The following WHRN variants were observed in gnomAD, a reference collection of about 807,000 sequenced individuals.
WHRN encodes CASK-interacting protein CIP98.
A neutral mutation model predicts 68.3 loss-of-function variants in WHRN; 41 were observed. The ratio of observed to expected loss-of-function variants is 0.60; its 90% CI spans 0.47 to 0.78. The LOEUF (loss-of-function observed/expected upper bound fraction) is 0.78, where lower values mean the gene tolerates loss of function less well. WHRN is among the 30% of genes least tolerant of loss of function. The pLI is 0.00. For synonymous variants in WHRN, 560 were observed against 561.3 expected (o/e 1.00, Z 0.03); for missense variants, 1,243 against 1,244.7 (o/e 1.00, Z 0.02).
At chr9:114,499,809 T>C (rs556188270) in intron 1 of WHRN, among the ~76,000 whole-genome samples, 1 of 152,166 alleles carries the variant, frequency 6.6e-6, no homozygotes, top group Admixed American at 6.5e-5. Context: ...ATCACACTTA[T>C]CTTTGCAGCT....
chr9:114,448,086 C>A (rs1235061322), intron 3 of WHRN, among the ~76,000 whole-genome samples: 1 of 152,100 alleles, frequency 6.6e-6, no homozygotes, highest in Non-Finnish European at 1.5e-5. Flanking sequence ...AAGTTCTAGC[C>A]CCCAGTACCT....
chr9:114,486,440 G>T (rs1287620842), intron 1 of WHRN, among the ~76,000 whole-genome samples: 1 of 152,130 alleles, frequency 6.6e-6, no homozygotes, highest in Non-Finnish European at 1.5e-5. Context: ...GTTCCTTGAG[G>T]CACATTACAT....
chr9:114,443,624 T>C (rs148961270), intron 3 of WHRN, among the ~76,000 whole-genome samples: 3 of 152,310 alleles, frequency 2.0e-5, no homozygotes, highest in East Asian at 1.9e-4. Context: ...GGAGCTTTTA[T>C]TCCCTCTGCC....
chr9:114,468,503 T>C (rs997191032), intron 2 of WHRN, among the ~76,000 whole-genome samples: 14 of 152,080 alleles, frequency 9.2e-5, no homozygotes, highest in African/African-American at 3.4e-4. Context: ...AAGAGTCCAA[T>C]AGACAGTGAC....
intron 3 of WHRN, among the ~76,000 whole-genome samples, chr9:114,443,383 A>G (rs1473258629): frequency 6.6e-6 from 1 of 152,216 alleles, no homozygotes; most frequent in Non-Finnish European, 1.5e-5. Context: ...CCGGGGGACA[A>G]TCCAATTCCT....
intron 3 of WHRN, among the ~76,000 whole-genome samples, chr9:114,442,575 T>C (rs1838466827): frequency 1.3e-5 from 2 of 152,154 alleles, no homozygotes; most frequent in South Asian, 2.1e-4. Context: ...GTGGGCCTAG[T>C]GGGAGGTGTC....
intron 1 of WHRN, among the ~76,000 whole-genome samples, chr9:114,486,904 G>A (rs1399338325): frequency 1.5e-5 from 1 of 64,562 alleles, no homozygotes; most frequent in African/African-American, 8.5e-5. Flanking sequence ...GTGTGTGTGT[G>A]TAGAGTGTGT....
At chr9:114,419,042 G>A (rs7875632) in intron 7 of WHRN, among the ~76,000 whole-genome samples, 31,038 of 152,066 alleles carry the variant, frequency 0.2, 3,707 homozygotes, top group East Asian at 0.33. Flanking sequence ...GAAGGGAGGA[G>A]AGAGGCAGAT....
intron 8 of WHRN, among the ~76,000 whole-genome samples, chr9:114,407,247 G>C (rs1835103595): frequency 6.6e-6 from 1 of 152,170 alleles, no homozygotes; most frequent in African/African-American, 2.4e-5. Flanking sequence ...TCTTTTTAGG[G>C]GGTGATCTTG....
intron 2 of WHRN, 28 bp from the exon 3 acceptor site, chr9:114,466,420 G>A (rs1428248017): frequency 1.2e-6 from 2 of 1,613,220 alleles, no homozygotes; most frequent in African/African-American, 1.3e-5. Context: ...TAACATTAGA[G>A]GGACTGGAGG....
At chr9:114,489,907 ATG>A (rs1427136425) in intron 1 of WHRN, among the ~76,000 whole-genome samples, 1 of 56,098 alleles carries the variant, frequency 1.8e-5, no homozygotes. Context: ...CTAAGAACAC[ATG>A]TCATTTGTAA....
chr9:114,420,943 C>T lies in WHRN; in HGVS notation c.1626+2371G>A, dbSNP rs987810372. On this transcript the variant is annotated intron_variant, in intron 7 of 11. Coordinates refer to ENST00000362057, the MANE Select transcript of WHRN (RefSeq NM_015404.4). Reference sequence around the variant, plus strand: ...GAGCTCAAGTGCCCCTTCCACGCTGCCTTTCCTGCTTGCACAATTTTCTCT... The same window carrying T: ...GAGCTCAAGTGCCCCTTCCACGCTGTCTTTCCTGCTTGCACAATTTTCTCT... Among the ~76,000 whole-genome samples, 31 of 152,096 alleles carry T rather than the reference C, an allele frequency of 2.0e-4. 1 individual carries two copies. The highest frequency in any genetic ancestry group is 2.0e-4 in the Admixed American group (3 of 15,278).
At chr9:114,490,602 T>C (rs1341794795) in intron 1 of WHRN, among the ~76,000 whole-genome samples, 1 of 152,218 alleles carries the variant, frequency 6.6e-6, no homozygotes, top group African/African-American at 2.4e-5. Context: ...GAGGGTTCAA[T>C]GTAAGGATGC....
At chr9:114,496,595 G>A (rs1034892982) in intron 1 of WHRN, among the ~76,000 whole-genome samples, 8 of 152,166 alleles carry the variant, frequency 5.3e-5, no homozygotes, top group Admixed American at 1.3e-4. Flanking sequence ...AAAGACAAGC[G>A]AAGGCAGTCC....
Position 114,437,723 on chromosome 9 carries a change from G to A in WHRN, c.964-11310C>T, listed in dbSNP as rs867816526. Among the ~76,000 whole-genome samples, 39 of 152,310 alleles carry A rather than the reference G, an allele frequency of 2.6e-4. No homozygotes were observed. In the Middle Eastern group the frequency reaches 0.014, roughly 53 times the overall value. On this transcript the variant is annotated intron_variant, in intron 3 of 11. Coordinates refer to ENST00000362057, the MANE Select transcript of WHRN (RefSeq NM_015404.4). ...TATCAGGAACTGAACTGGCCAACAC[G>A]TTGACCCTGGCCTTCCCAGCCTACA...
intron 7 of WHRN, among the ~76,000 whole-genome samples, chr9:114,415,287 A>C (rs1019744647): frequency 6.7e-6 from 1 of 149,608 alleles, no homozygotes; most frequent in Non-Finnish European, 1.5e-5. Context: ...AAAAAAAAAA[A>C]CACAAACAGG....
At chr9:114,501,646 G>A (rs1054729965) in intron 1 of WHRN, among the ~76,000 whole-genome samples, 8 of 150,594 alleles carry the variant, frequency 5.3e-5, no homozygotes, top group African/African-American at 2.0e-4. Flanking sequence ...ACCTTCCATC[G>A]CAGGAAAAAA....
At chr9:114,442,176 A>G (rs535192526) in intron 3 of WHRN, among the ~76,000 whole-genome samples, 1 of 152,364 alleles carries the variant, frequency 6.6e-6, no homozygotes, top group Admixed American at 6.5e-5. Flanking sequence ...CTAAACAATC[A>G]TAAAAACAAA....
At chr9:114,498,625 T>G (rs147233944) in intron 1 of WHRN, among the ~76,000 whole-genome samples, 3,179 of 152,256 alleles carry the variant, frequency 0.021, 45 homozygotes, top group South Asian at 0.044. Context: ...CCAACCTTAG[T>G]AAGGTGAAGT....
Sources: allele counts gnomAD v4.1 joint callset (sites outside exome capture counted in the v4.1 genomes callset), GRCh38; gene constraint gnomAD v4.1.1; transcripts MANE v1.5; gene names NCBI Gene and HGNC (gene_info 2026-07-23, HGNC 2026-07-21).